The following GSG1 variants were observed in gnomAD, a reference collection of about 807,000 sequenced individuals.
GSG1 encodes the protein germ cell-specific gene 1 protein.
GSG1 carries 28 observed loss-of-function variants against 30.8 expected under a neutral mutation model. The observed-to-expected ratio is 0.91, with a 90% CI of 0.67 to 1.25. GSG1 has a LOEUF of 1.25. Ranked by LOEUF, GSG1 falls within the 50% of genes most tolerant of loss-of-function variation. The pLI is 0.00. For synonymous variants in GSG1, 162 were observed against 178.0 expected, an observed-to-expected ratio of 0.91 and a Z score of 0.71; for missense variants, 435 against 444.7, an observed-to-expected ratio of 0.98 and a Z score of 0.20.
At chr12:13,097,004 C>A (rs1009473540) in intron 1 of GSG1, among the ~76,000 whole-genome samples, 2 of 152,072 alleles carry the variant, frequency 1.3e-5, no homozygotes, top group Non-Finnish European at 2.9e-5. Flanking sequence ...GCAGGAGAAT[C>A]TCTTGAACCT....
At chr12:13,095,740 T>G in intron 1 of GSG1, 1 of 1,552,370 alleles carries the variant, frequency 6.4e-7, no homozygotes, top group Non-Finnish European at 8.7e-7. Flanking sequence ...TCCCCTTCTA[T>G]CTCATATTCT....
At chr12:13,099,759 T>TTTTGTTG (rs1555128124) in intron 1 of GSG1, among the ~76,000 whole-genome samples, 3 of 144,706 alleles carry the variant, frequency 2.1e-5, no homozygotes, top group African/African-American at 7.7e-5. Context: ...TGTTTTTTTT[T>TTTTGTTG]TTTTTTTTTG....
At position 13,087,935 on chromosome 12, in the gene GSG1, G is replaced by A. The variant is rs115931320; in HGVS notation, c.606C>T (p.Ala202=). The change falls in exon 5 of 7, where the codon GCC becomes GCT. Residue 202 remains alanine (A), a synonymous_variant. Coordinates refer to ENST00000651961, the MANE Select transcript of GSG1 (RefSeq NM_001080555.4). ...ACAGGACAGAGGAAACAGCAGCAAA[G>A]GCGCTCAGTTTGAGCCCACAGGCAG... The part of the protein sequence containing the change: ...GNPACGLKLS[A]FAAVSSVLSG... The A allele has an allele frequency of 1.7e-4, 270 of 1,614,176 alleles. No individual in the cohort carries two copies. In the African/African-American group the frequency reaches 3.3e-3, roughly 20 times the overall value.
At chr12:13,098,599 A>G (rs1862924702) in intron 1 of GSG1, among the ~76,000 whole-genome samples, 1 of 148,204 alleles carries the variant, frequency 6.7e-6, no homozygotes, top group Admixed American at 6.9e-5. Context: ...TTTCCTGATG[A>G]GTTTTGTGCA....
intron 4 of GSG1, 50 bp from the exon 5 acceptor site, chr12:13,088,109 C>T: frequency 6.2e-7 from 1 of 1,607,510 alleles, no homozygotes; most frequent in South Asian, 1.1e-5. Flanking sequence ...AGTTAAAAAA[C>T]TGAATAAGCG....
chr12:13,087,363 C>T (rs1011254688), intron 5 of GSG1, 100 bp from the exon 6 acceptor site: 1 of 843,648 alleles, frequency 1.2e-6, no homozygotes, highest in African/African-American at 1.7e-5. Context: ...CAGGCGCAGC[C>T]TCTGTTGGAG....
chr12:13,088,156 G>C, intron 4 of GSG1, 97 bp from the exon 5 acceptor site: 2 of 1,331,156 alleles, frequency 1.5e-6, no homozygotes, highest in Non-Finnish European at 2.1e-6. Context: ...TAAGACCCTA[G>C]CAGCATCTGA....
At chr12:13,088,229 A>G (rs1299200113) in intron 4 of GSG1, among the ~76,000 whole-genome samples, 170 bp from the exon 5 acceptor site, 2 of 152,184 alleles carry the variant, frequency 1.3e-5, no homozygotes, top group Admixed American at 6.5e-5. Context: ...TAGTCCTTTG[A>G]CGTCACTCAC....
Position 13,103,586 on chromosome 12 carries a change from G to C in GSG1, c.-74C>G, listed in dbSNP as rs1863373880. 3 of 1,516,018 alleles carry C rather than the reference G, an allele frequency of 2.0e-6. No homozygotes were observed. Among genetic ancestry groups the C allele is most frequent in the African/African-American group, 1.4e-5 (1 of 73,118 alleles). 93.9% of individuals were successfully genotyped at this position (1,516,018 alleles called of 1,614,324 possible). A position where few individuals can be genotyped will look rare whatever the true frequency, so the allele number is the denominator to read the frequency against. On this transcript the variant is annotated 5_prime_UTR_variant, in exon 1 of 7. Coordinates refer to ENST00000651961, the MANE Select transcript of GSG1 (RefSeq NM_001080555.4). ...TGTCTCAATCAGTTGGGTAGAATGA[G>C]TGTTTAGCGTGAGGATGAATCAGGT...
Position 13,090,734 on chromosome 12 carries a change from A to G in GSG1, c.133T>C (p.Ser45Pro), listed in dbSNP as rs1591635870. The G allele has an allele frequency of 1.2e-6, 2 of 1,614,166 alleles. No homozygotes were observed. The highest frequency in any genetic ancestry group is 1.3e-5 in the African/African-American group (1 of 75,030). The stretch of plus-strand genomic sequence containing the variant: ...ACAAACCAGTAGTTGCTGAGCAGGG[A>G]TGTTGTGGAGAAGCTGAGTGATAGC... ...SMLSLSFSTT[S>P]LLSNYWFVGT... Residue 45 changes from serine to proline, a missense_variant, in exon 2 of 7, where the codon TCC becomes CCC. Ser to Pro is a moderately conservative substitution (Grantham distance 74, BLOSUM62 -1). Transcript: ENST00000651961.
intron 1 of GSG1, among the ~76,000 whole-genome samples, chr12:13,096,647 T>C (rs1866689153): frequency 6.6e-6 from 1 of 152,066 alleles, no homozygotes; most frequent in Non-Finnish European, 1.5e-5. Flanking sequence ...TCTCCCAACC[T>C]TCAGGCAAAG....
At chr12:13,097,685 T>C (rs1242474767) in intron 1 of GSG1, among the ~76,000 whole-genome samples, 1 of 152,154 alleles carries the variant, frequency 6.6e-6, no homozygotes, top group Admixed American at 6.5e-5. Flanking sequence ...TGAGATTTCA[T>C]AGTAGTTCTG....
At chr12:13,087,109 G>A in intron 6 of GSG1, 43 bp downstream of exon 6, 3 of 1,353,824 alleles carry the variant, frequency 2.2e-6, no homozygotes, top group Non-Finnish European at 3.2e-6. Context: ...ATCTCGTGAA[G>A]GTTGGCTGGG....
intron 1 of GSG1, chr12:13,095,795 C>A: frequency 6.7e-7 from 1 of 1,491,108 alleles, no homozygotes; most frequent in South Asian, 1.3e-5. Context: ...GGAACACGGG[C>A]ATTTAATAAT....
chr12:13,099,765 T>TG (rs1565551469), intron 1 of GSG1, among the ~76,000 whole-genome samples: 150 of 149,550 alleles, frequency 1.0e-3, no homozygotes, highest in African/African-American at 3.2e-3. Flanking sequence ...TTTTTTTTTT[T>TG]TTTGTTTTTT....
At position 13,089,149 on chromosome 12, in the gene GSG1, G is replaced by A. The variant is rs1591628935; in HGVS notation, c.433+59C>T. 5 of 1,496,654 alleles carry A rather than the reference G, an allele frequency of 3.3e-6. No homozygotes were observed. In the East Asian group the frequency reaches 1.2e-4, roughly 37 times the overall value. The allele number at this position is 1,496,654 out of a possible 1,614,324, so 92.7% of individuals were successfully genotyped here. A position where few individuals can be genotyped will look rare whatever the true frequency, so the allele number is the denominator to read the frequency against. ...ATGTTTCCATGAGAGCACCTACATA[G>A]CTTAGTGTTCCCATTTCCCGTGTCC... On this transcript the variant is annotated intron_variant, in intron 3 of 6. Transcript: ENST00000651961.
chr12:13,098,553 C>T (rs1420599805), intron 1 of GSG1, among the ~76,000 whole-genome samples: 1 of 133,252 alleles, frequency 7.5e-6, no homozygotes, highest in Non-Finnish European at 1.5e-5. Flanking sequence ...ATGGGAAATA[C>T]AACTCCACGG....
At chr12:13,096,541 A>G (rs1006033705) in intron 1 of GSG1, among the ~76,000 whole-genome samples, 2 of 151,864 alleles carry the variant, frequency 1.3e-5, no homozygotes, top group African/African-American at 4.8e-5. Flanking sequence ...ATGCTGAGTG[A>G]GAATGTTGGC....
Position 13,084,621 on chromosome 12 carries a change from C to T in GSG1, c.*280G>A. The T allele has an allele frequency of 3.5e-6, 1 of 284,724 alleles. No individual in the cohort carries two copies. The highest frequency in any genetic ancestry group is 5.9e-5 in the East Asian group (1 of 16,858). The allele number at this position is 284,724 out of a possible 1,614,324, so 17.6% of individuals were successfully genotyped here. A position where few individuals can be genotyped will look rare whatever the true frequency, so the allele number is the denominator to read the frequency against. On this transcript the variant is annotated 3_prime_UTR_variant, in exon 7 of 7. Transcript: ENST00000651961. Reference sequence around the variant, plus strand: ...AAGTGTATTTTACTCTTCTTTTTATCTCCATGGTTTAGCCCAGAACCTGGC... The same window carrying T: ...AAGTGTATTTTACTCTTCTTTTTATTTCCATGGTTTAGCCCAGAACCTGGC...
Sources: gnomAD v4.1 joint callset for allele counts (sites outside exome capture counted in the v4.1 genomes callset) on GRCh38, gnomAD v4.1.1 for gene constraint, MANE v1.5 for transcripts, NCBI Gene and HGNC (gene_info 2026-07-23, HGNC 2026-07-21) for gene names.